The following GMDS variants were observed in gnomAD, a reference collection of about 807,000 sequenced individuals.
GMDS encodes GDP-mannose 4,6 dehydratase.
In GMDS, 20 loss-of-function variants were observed where a neutral mutation model predicts 49.9. The observed-to-expected ratio is 0.40, with a 90% CI of 0.28 to 0.58. The LOEUF (loss-of-function observed/expected upper bound fraction) is 0.58. Among genes scored for constraint, GMDS ranks in the 20% least tolerant of loss-of-function variants. The pLI, the probability that GMDS is intolerant of heterozygous loss-of-function variation, is 0.42. For missense variants in GMDS, 362 were observed against 481.4 expected (o/e 0.75, Z 2.32); for synonymous variants, 177 against 178.6 (o/e 0.99, Z 0.07).
chr6:2,136,817 T>A (rs2127523867), intron 1 of GMDS, among the ~76,000 whole-genome samples: 1 of 151,294 alleles, frequency 6.6e-6, no homozygotes, highest in South Asian at 2.1e-4. Context: ...ACAGGAGAAT[T>A]GCCTGAGCCC....
intron 4 of GMDS, among the ~76,000 whole-genome samples, chr6:1,964,805 T>C (rs1764169625): frequency 6.6e-6 from 1 of 152,108 alleles, no homozygotes; most frequent in African/African-American, 2.4e-5. Context: ...ATTAGGTATA[T>C]CTCCTAAAGC....
chr6:2,166,640 A>C (rs1397116234), intron 1 of GMDS, among the ~76,000 whole-genome samples: 1 of 152,206 alleles, frequency 6.6e-6, no homozygotes, highest in African/African-American at 2.4e-5. Context: ...ATTTATGTGA[A>C]GAAAGATTTT....
At position 1,747,322 on chromosome 6, in the gene GMDS, A is replaced by C. The variant is rs1048582287; in HGVS notation, c.772-4736T>G. Among the ~76,000 whole-genome samples, 8 of 152,182 alleles carry C rather than the reference A, an allele frequency of 5.3e-5. 1 individual carries two copies. Among genetic ancestry groups the C allele is most frequent in the Admixed American group, 5.2e-4 (8 of 15,282 alleles). On this transcript the variant is annotated intron_variant, in intron 7 of 10. Transcript: ENST00000380815. ...CCAGTTCAGTATCCAAGCCACAAAC[A>C]CTTATTAACTGAGCTGGCATCCATG... is the stretch of plus-strand genomic sequence containing the variant.
At chr6:1,780,407 T>C (rs550535462) in intron 7 of GMDS, among the ~76,000 whole-genome samples, 1 of 152,314 alleles carries the variant, frequency 6.6e-6, no homozygotes, top group East Asian at 1.9e-4. Flanking sequence ...CTACTACTGT[T>C]ATTATGGGTT....
chr6:1,885,293 T>C (rs1206076329), intron 7 of GMDS, among the ~76,000 whole-genome samples: 1 of 152,216 alleles, frequency 6.6e-6, no homozygotes, highest in Non-Finnish European at 1.5e-5. Context: ...TTATTTCTCA[T>C]TTTGAAGTTG....
chr6:1,704,727 TGAGAAGA>T (rs1561743085), intron 9 of GMDS, among the ~76,000 whole-genome samples: 1 of 152,108 alleles, frequency 6.6e-6, no homozygotes, highest in Non-Finnish European at 1.5e-5. Context: ...TTTTCATGTG[TGAGAAGA>T]GAAATACGTA....
At position 2,014,603 on chromosome 6, in the gene GMDS, G is replaced by T. The variant is rs148789717; in HGVS notation, c.346-53637C>A. ...TTTGGTTAAGACAGGAGAAAAAATAGAATATAAAATGTTTAATGAAAATCA... is the reference window on the plus strand; with the variant it reads ...TTTGGTTAAGACAGGAGAAAAAATATAATATAAAATGTTTAATGAAAATCA... On this transcript the variant is annotated intron_variant, in intron 4 of 10. Coordinates refer to ENST00000380815, the MANE Select transcript of GMDS (RefSeq NM_001500.4). Among the ~76,000 whole-genome samples the T allele has an allele frequency of 1.4e-3, 208 of 152,108 alleles. 1 individual carries two copies. The highest frequency in any genetic ancestry group is 4.8e-3 in the African/African-American group (198 of 41,532).
chr6:1,981,127 T>C (rs939724040), intron 4 of GMDS, among the ~76,000 whole-genome samples: 8 of 149,886 alleles, frequency 5.3e-5, no homozygotes, highest in East Asian at 3.9e-4. Context: ...TCAGAATTAA[T>C]AGAACTAGAG....
intron 9 of GMDS, among the ~76,000 whole-genome samples, chr6:1,666,421 C>G (rs941657335): frequency 4.6e-5 from 7 of 152,142 alleles, no homozygotes; most frequent in African/African-American, 1.4e-4. Context: ...ACAGCCCTGA[C>G]CCTTCCTCTA....
intron 4 of GMDS, among the ~76,000 whole-genome samples, chr6:2,009,831 G>A (rs576368504): frequency 6.6e-6 from 1 of 152,226 alleles, no homozygotes; most frequent in Admixed American, 6.5e-5. Flanking sequence ...ACACGTTACT[G>A]TACTCTCCAA....
At chr6:1,697,937 G>C (rs181120239) in intron 9 of GMDS, among the ~76,000 whole-genome samples, 1 of 152,230 alleles carries the variant, frequency 6.6e-6, no homozygotes, top group African/African-American at 2.4e-5. Context: ...GTATGGCTGC[G>C]GACGATCAAG....
At chr6:1,675,511 C>G (rs1452407204) in intron 9 of GMDS, among the ~76,000 whole-genome samples, 1 of 152,126 alleles carries the variant, frequency 6.6e-6, no homozygotes, top group Non-Finnish European at 1.5e-5. Context: ...GACATCCTTA[C>G]CTTGTTCCTG....
At chr6:2,071,119 A>C (rs1168671593) in intron 4 of GMDS, among the ~76,000 whole-genome samples, 1 of 152,182 alleles carries the variant, frequency 6.6e-6, no homozygotes, top group Non-Finnish European at 1.5e-5. Flanking sequence ...TGTTCTGAAG[A>C]ACATGAGTTG....
intron 9 of GMDS, among the ~76,000 whole-genome samples, chr6:1,690,863 A>C (rs1279591896): frequency 2.0e-5 from 3 of 152,212 alleles, no homozygotes; most frequent in African/African-American, 7.2e-5. Context: ...GAAACCACAG[A>C]TGTTGGCAAG....
chr6:1,935,691 T>C (rs1003876709), intron 6 of GMDS, among the ~76,000 whole-genome samples: 1 of 152,178 alleles, frequency 6.6e-6, no homozygotes, highest in African/African-American at 2.4e-5. Context: ...AAAGAGAGTA[T>C]GCAAGTAAAA....
At chr6:1,913,533 A>T (rs924494417) in intron 7 of GMDS, among the ~76,000 whole-genome samples, 2 of 152,244 alleles carry the variant, frequency 1.3e-5, no homozygotes, top group South Asian at 4.1e-4. Context: ...TCCTCAAAGA[A>T]TAGAAGGGTG....
At chr6:1,644,736 G>A (rs1240346713) in intron 9 of GMDS, among the ~76,000 whole-genome samples, 3 of 152,194 alleles carry the variant, frequency 2.0e-5, no homozygotes, top group South Asian at 2.1e-4. Flanking sequence ...CAGGGTTCAC[G>A]GCCACCCCCA....
At chr6:1,717,509 G>A (rs1311356283) in intron 9 of GMDS, 2 of 152,292 alleles carry the variant, frequency 1.3e-5, no homozygotes, top group African/African-American at 4.8e-5. Context: ...GAAACATACC[G>A]TTTAGGCAGA....
At chr6:1,667,086 T>C (rs1764260659) in intron 9 of GMDS, among the ~76,000 whole-genome samples, 1 of 152,300 alleles carries the variant, frequency 6.6e-6, no homozygotes, top group African/African-American at 2.4e-5. Flanking sequence ...ACCCCATGCC[T>C]CTACCATTGA....
Sources: gnomAD v4.1 joint callset for allele counts (sites outside exome capture counted in the v4.1 genomes callset) on GRCh38, gnomAD v4.1.1 for gene constraint, MANE v1.5 for transcripts, NCBI Gene and HGNC (gene_info 2026-07-23, HGNC 2026-07-21) for gene names.